PRSS23: variants seen among roughly 807,000 people sequenced by gnomAD.
PRSS23 encodes the protein serine protease 23.
A neutral mutation model predicts 34.7 loss-of-function variants in PRSS23; 25 were observed. The observed-to-expected ratio is 0.72, with a 90% CI of 0.53 to 1.01. The LOEUF (loss-of-function observed/expected upper bound fraction) is 1.01, where lower values mean the gene tolerates loss of function less well. Among genes scored for constraint, PRSS23 ranks in the 50% least tolerant of loss-of-function variants. PRSS23 has a pLI of 0.00. For missense variants in PRSS23, 445 were observed against 475.6 expected, an observed-to-expected ratio of 0.94 and a Z score of 0.60; for synonymous variants, 176 against 186.6, an observed-to-expected ratio of 0.94 and a Z score of 0.46.
chr11:86,832,491 CA>C, intron 2 of PRSS23: 1 of 237,950 alleles, frequency 4.2e-6, no homozygotes. Flanking sequence ...ACCCACACTA[CA>C]AAAGGAATGG....
intron 2 of PRSS23, among the ~76,000 whole-genome samples, chr11:86,879,541 G>A (rs1948754755): frequency 1.4e-5 from 2 of 143,124 alleles, no homozygotes; most frequent in East Asian, 2.1e-4. Flanking sequence ...CGTCCGGGAG[G>A]GAGGTGGGGG....
intron 2 of PRSS23, among the ~76,000 whole-genome samples, chr11:86,876,983 C>A (rs1020100612): frequency 1.3e-5 from 2 of 152,288 alleles, no homozygotes; most frequent in South Asian, 4.1e-4. Flanking sequence ...AACCTGTCTT[C>A]TACCTGCACG....
chr11:86,847,148 G>C (rs984042965), intron 2 of PRSS23, among the ~76,000 whole-genome samples: 8 of 152,202 alleles, frequency 5.3e-5, no homozygotes, highest in African/African-American at 1.7e-4. Context: ...GGGACAGAAG[G>C]CTAAAGTACA....
intron 2 of PRSS23, among the ~76,000 whole-genome samples, chr11:86,861,632 T>G (rs1207142645): frequency 6.6e-6 from 1 of 151,816 alleles, no homozygotes; most frequent in Non-Finnish European, 1.5e-5. Context: ...GAGGATGATA[T>G]TACTCTTCAT....
chr11:86,825,218 C>T (rs1408009582), intron 2 of PRSS23, among the ~76,000 whole-genome samples: 1 of 151,930 alleles, frequency 6.6e-6, no homozygotes, highest in African/African-American at 2.4e-5. Context: ...ATTTGCATTT[C>T]TCTGATGGCC....
Position 86,915,490 on chromosome 11 carries a change from C to T in PRSS23, c.207-35726C>T, listed in dbSNP as rs572953341. On this transcript the variant is annotated intron_variant, in intron 2 of 2. Transcript: ENST00000533902. ...AATGAGATAATGTAAGAAAAGAGGC[C>T]GGTGATGTCACTCAATAAGGCAAAT... is the stretch of plus-strand genomic sequence containing the variant. Among the ~76,000 whole-genome samples, 32 of 149,936 alleles carry T rather than the reference C, an allele frequency of 2.1e-4. No homozygotes were observed. In the South Asian group the frequency reaches 2.5e-3, roughly 12 times the overall value.
In PRSS23 at chr11:86,904,564, G is replaced by T. The variant is rs545140600; in HGVS notation, c.207-46652G>T. ...CTATGTACCCCAACTCTAAATACCC[G>T]CCCACCTGAGCATTATTCCTCTATT... On this transcript the variant is annotated intron_variant, in intron 2 of 2. Transcript: ENST00000533902. Among the ~76,000 whole-genome samples the T allele has an allele frequency of 2.0e-5, 3 of 152,000 alleles. No homozygotes were observed. In the South Asian group the frequency reaches 6.2e-4, roughly 32 times the overall value.
intron 2 of PRSS23, chr11:86,832,780 C>A: frequency 3.4e-6 from 1 of 293,974 alleles, no homozygotes; most frequent in Non-Finnish European, 6.6e-6. Context: ...AAACACTCAG[C>A]ATGGAGGAAA....
intron 1 of PRSS23, among the ~76,000 whole-genome samples, chr11:86,820,561 G>C (rs1372113333): frequency 1.3e-5 from 2 of 152,110 alleles, no homozygotes; most frequent in Non-Finnish European, 2.9e-5. Flanking sequence ...ATGTAGCACA[G>C]TAAAATTATT....
At chr11:86,939,326 A>G (rs986953059) in intron 2 of PRSS23, among the ~76,000 whole-genome samples, 1 of 150,220 alleles carries the variant, frequency 6.7e-6, no homozygotes, top group Non-Finnish European at 1.5e-5. Flanking sequence ...CCTCTTTTAA[A>G]AGAAACAAAG....
upstream of PRSS23, among the ~76,000 whole-genome samples, chr11:86,798,359 G>A (rs1426047403): frequency 1.3e-5 from 2 of 152,190 alleles, no homozygotes; most frequent in African/African-American, 2.4e-5. Context: ...GCTAATAAGA[G>A]AGAAACAGCA....
chr11:86,870,204 A>G (rs971551606), intron 2 of PRSS23, among the ~76,000 whole-genome samples: 22 of 152,168 alleles, frequency 1.4e-4, no homozygotes, highest in African/African-American at 4.1e-4. Context: ...GACCAGAGTC[A>G]TCATCTGTGC....
intron 2 of PRSS23, among the ~76,000 whole-genome samples, chr11:86,832,209 A>G (rs571215413): frequency 1.3e-5 from 2 of 152,218 alleles, no homozygotes; most frequent in South Asian, 2.1e-4. Context: ...AATTCCTAAT[A>G]TCACAGTGGG....
chr11:86,925,883 T>C (rs374755653), intron 2 of PRSS23, among the ~76,000 whole-genome samples: 3 of 152,192 alleles, frequency 2.0e-5, no homozygotes, highest in African/African-American at 7.2e-5. Flanking sequence ...TTAATGGCTG[T>C]TTGACCTTCA....
rs749091303 is a variant in PRSS23 at position 86,890,038 on chromosome 11, C to T, written c.207-61178C>T. On this transcript the variant is annotated intron_variant, in intron 2 of 2. Transcript: ENST00000533902. Reference sequence around the variant, plus strand: ...GTCCCAGCACTTTGGGAAGCCGAGGCGTGTGGATCACTTGAGGTCAGGAGT... The same window carrying T: ...GTCCCAGCACTTTGGGAAGCCGAGGTGTGTGGATCACTTGAGGTCAGGAGT... Among the ~76,000 whole-genome samples, 14 of 152,074 alleles carry T rather than the reference C, an allele frequency of 9.2e-5. No homozygotes were observed. In the East Asian group the frequency reaches 9.6e-4, roughly 10 times the overall value.
chr11:86,879,935 C>T (rs1308416879), intron 2 of PRSS23, among the ~76,000 whole-genome samples: 1 of 151,642 alleles, frequency 6.6e-6, no homozygotes, highest in Non-Finnish European at 1.5e-5. Context: ...ACCACCCCGT[C>T]TGGGAGGTGT....
chr11:86,825,882 A>G lies in PRSS23; in HGVS notation c.206+2289A>G, dbSNP rs1485680634. ...AGTACCATGCTGTTTTGGTTACTGT[A>G]GCCTTGTAGTATAGTTTGAAGTCAG... On this transcript the variant is annotated intron_variant, in intron 2 of 2. Coordinates refer to the PRSS23 transcript ENST00000533902. Among the ~76,000 whole-genome samples, 108 of 151,992 alleles carry G rather than the reference A, an allele frequency of 7.1e-4. 2 individuals carry two copies. Among genetic ancestry groups the G allele is most frequent in the African/African-American group, 2.6e-3 (108 of 41,514 alleles).
chr11:86,916,080 G>A (rs956508577), intron 2 of PRSS23, among the ~76,000 whole-genome samples: 2 of 151,944 alleles, frequency 1.3e-5, no homozygotes, highest in African/African-American at 2.4e-5. Flanking sequence ...AAAACAAAGT[G>A]CATAATATAT....
chr11:86,927,267 G>A lies in PRSS23; in HGVS notation c.207-23949G>A, dbSNP rs72961502. ...AGGCGTTGTCATCTCCTGTTCACCAGTGGAGAAATTGCATCTTAGGGAGAA... is the reference window on the plus strand; with the variant it reads ...AGGCGTTGTCATCTCCTGTTCACCAATGGAGAAATTGCATCTTAGGGAGAA... On this transcript the variant is annotated intron_variant, in intron 2 of 2. Transcript: ENST00000533902. 3.9e-3 allele frequency among the ~76,000 whole-genome samples: 588 copies of A among 152,286 alleles called. 4 individuals are homozygous for A. Among genetic ancestry groups the A allele is most frequent in the Non-Finnish European group, 7.0e-3 (475 of 68,026 alleles).
Sources: gnomAD v4.1 joint callset for allele counts (sites outside exome capture counted in the v4.1 genomes callset) on GRCh38, gnomAD v4.1.1 for gene constraint, MANE v1.5 for transcripts, NCBI Gene and HGNC (gene_info 2026-07-23, HGNC 2026-07-21) for gene names.